NF1: variants seen among roughly 807,000 people sequenced by gnomAD.
NF1 encodes the protein neurofibromin.
A neutral mutation model predicts 325.7 loss-of-function variants in NF1; 122 were observed. That is an observed-to-expected ratio of 0.37 (90% CI 0.32 to 0.44). NF1 has a LOEUF of 0.44. Ranked by LOEUF, NF1 falls within the 20% of genes least tolerant of loss-of-function variation. The pLI is 1.00. For missense variants in NF1, 2,140 were observed against 3,415.4 expected, an observed-to-expected ratio of 0.63 and a Z score of 9.31; for synonymous variants, 1,091 against 1,186.0, an observed-to-expected ratio of 0.92 and a Z score of 1.65.
At chr17:31,251,479 G>C (rs2067493029) in intron 30 of NF1, 1 of 195,542 alleles carries the variant, frequency 5.1e-6, no homozygotes, top group Non-Finnish European at 1.1e-5. Context: ...GTGAACATGT[G>C]TCAGATTTAT....
At chr17:31,372,818 C>A (rs574439567) in intron 57 of NF1, among the ~76,000 whole-genome samples, 2 of 152,220 alleles carry the variant, frequency 1.3e-5, no homozygotes, top group South Asian at 4.1e-4. Context: ...GAGTTCAAGA[C>A]CAGCCTTGGC....
At chr17:31,310,708 G>A (rs1281293885) in intron 36 of NF1, among the ~76,000 whole-genome samples, 2 of 151,800 alleles carry the variant, frequency 1.3e-5, no homozygotes, top group Non-Finnish European at 2.9e-5. Context: ...ACCCGTGTAC[G>A]TTTTATATAG....
chr17:31,200,126 A>G (rs983674947), intron 8 of NF1, among the ~76,000 whole-genome samples: 1 of 151,618 alleles, frequency 6.6e-6, no homozygotes. Context: ...ACAGAGGAAG[A>G]CACCATCTTG....
intron 1 of NF1, among the ~76,000 whole-genome samples, chr17:31,144,069 C>T (rs531778698): frequency 4.6e-5 from 7 of 152,106 alleles, no homozygotes; most frequent in East Asian, 1.9e-4. Context: ...GTGATCCGCC[C>T]GCCTCGGCCT....
chr17:31,245,684 G>A (rs1488661640), intron 29 of NF1, among the ~76,000 whole-genome samples: 1 of 152,158 alleles, frequency 6.6e-6, no homozygotes, highest in African/African-American at 2.4e-5. Context: ...TGTGGGAAGG[G>A]GCTTGCAGCT....
In NF1 at chr17:31,336,583, C is replaced by CT. The variant is rs2069675228; in HGVS notation, c.6148-49dup. The CT allele has an allele frequency of 5.1e-6, 8 of 1,561,052 alleles. No homozygotes were observed. The highest frequency in any genetic ancestry group is 2.3e-5 in the East Asian group (1 of 43,186). On this transcript the variant is annotated intron_variant, in intron 41 of 57. Coordinates refer to ENST00000358273, the MANE Select transcript of NF1 (RefSeq NM_001042492.3). The surrounding 1 kb of genome is among the most constrained non-coding windows in gnomAD (Gnocchi z 5.5). ...TAAACTGAACTTTTTTGTGCTAAAACTTTGAGTCCCATGTTTTTTTTTTTA... is the reference window on the plus strand; with the variant it reads ...TAAACTGAACTTTTTTGTGCTAAAACTTTTGAGTCCCATGTTTTTTTTTTTA...
intron 1 of NF1, among the ~76,000 whole-genome samples, chr17:31,149,984 C>A (rs1411562873): frequency 6.6e-6 from 1 of 152,214 alleles, no homozygotes; most frequent in Non-Finnish European, 1.5e-5. Context: ...CTGGAACTTT[C>A]TGGGTGCCTC....
intron 36 of NF1, among the ~76,000 whole-genome samples, chr17:31,275,331 C>A (rs943994366): frequency 6.6e-6 from 1 of 152,134 alleles, no homozygotes; most frequent in African/African-American, 2.4e-5. Context: ...AGCACTGTGT[C>A]ACAGTGCTGC....
chr17:31,277,815 T>C (rs1027530139), intron 36 of NF1, among the ~76,000 whole-genome samples: 12 of 152,260 alleles, frequency 7.9e-5, no homozygotes, highest in Admixed American at 7.8e-4. Context: ...CTTCCTGCAC[T>C]CACTACTTCA....
At chr17:31,254,318 G>A (rs929763629) in intron 31 of NF1, 4 of 146,316 alleles carry the variant, frequency 2.7e-5, no homozygotes, top group Non-Finnish European at 4.5e-5. Context: ...TTACATATAA[G>A]TTTCTAAGCT....
chr17:31,258,264 G>C, intron 31 of NF1, 80 bp from the exon 32 acceptor site: 1 of 1,500,540 alleles, frequency 6.7e-7, no homozygotes, highest in Non-Finnish European at 9.3e-7. Flanking sequence ...TTTATGCAAA[G>C]TTTGACCTTT....
At chr17:31,296,153 A>G (rs2068459719) in intron 36 of NF1, 1 of 1,611,696 alleles carries the variant, frequency 6.2e-7, no homozygotes, top group South Asian at 1.1e-5. Flanking sequence ...AGACAGGTTT[A>G]AATGTATAAT....
intron 54 of NF1, 58 bp from the exon 55 acceptor site, chr17:31,358,422 A>G: frequency 5.9e-6 from 9 of 1,527,368 alleles, no homozygotes; most frequent in Non-Finnish European, 8.1e-6. Flanking sequence ...TTTCCACTAC[A>G]TATTTTCATT....
intron 5 of NF1, among the ~76,000 whole-genome samples, chr17:31,180,812 G>C (rs899384644): frequency 2.6e-5 from 4 of 152,218 alleles, no homozygotes; most frequent in African/African-American, 4.8e-5. Context: ...AATTGCCTCT[G>C]TTTGCAGATG....
chr17:31,228,971 A>C, intron 20 of NF1, 54 bp from the exon 21 acceptor site: 1 of 1,395,522 alleles, frequency 7.2e-7, no homozygotes, highest in Non-Finnish European at 9.9e-7. Context: ...TAATTTGTCA[A>C]GTCTCAACTA....
At chr17:31,095,508 G>T in intron 1 of NF1, 139 bp downstream of exon 1, 1 of 791,306 alleles carries the variant, frequency 1.3e-6, no homozygotes, top group South Asian at 1.8e-5. Flanking sequence ...GAGAAGGGAA[G>T]GGGGGATAAG....
chr17:31,099,341 A>G (rs937936798), intron 1 of NF1, among the ~76,000 whole-genome samples: 1 of 152,156 alleles, frequency 6.6e-6, no homozygotes, highest in Non-Finnish European at 1.5e-5. Context: ...CCTTAACCTG[A>G]TAATATTGCA....
chr17:31,216,413 G>C (rs1298637043), intron 13 of NF1, among the ~76,000 whole-genome samples: 1 of 152,098 alleles, frequency 6.6e-6, no homozygotes, highest in African/African-American at 2.4e-5. Flanking sequence ...GTAAATATTT[G>C]ACCATTTTGT....
chr17:31,139,840 G>T (rs1388128245), intron 1 of NF1, among the ~76,000 whole-genome samples: 2 of 152,184 alleles, frequency 1.3e-5, no homozygotes, highest in Non-Finnish European at 2.9e-5. Context: ...TACAGTTCAA[G>T]TTTGTAAAAC....
Sources: gnomAD v4.1 joint callset for allele counts (sites outside exome capture counted in the v4.1 genomes callset) on GRCh38, gnomAD v4.1.1 for gene constraint, Gnocchi (gnomAD v3.1) non-coding constraint, MANE v1.5 for transcripts, NCBI Gene and HGNC (gene_info 2026-07-23, HGNC 2026-07-21) for gene names.